Variants in SDK1 observed in about 807,000 individuals in gnomAD.
SDK1 encodes sidekick cell adhesion molecule 1, also known as protein sidekick-1.
SDK1 carries 157 observed loss-of-function variants against 245.5 expected under a neutral mutation model. The ratio of observed to expected loss-of-function variants is 0.64; its 90% CI spans 0.56 to 0.73. The LOEUF (loss-of-function observed/expected upper bound fraction) is 0.73. Among genes scored for constraint, SDK1 ranks in the 30% least tolerant of loss-of-function variants. The probability of loss-of-function intolerance (pLI) is 0.00; values close to 1 mark genes in which losing one functional copy is unlikely to be tolerated. For synonymous variants in SDK1, 1,647 were observed against 1,278.5 expected, an observed-to-expected ratio of 1.29 and a Z score of -6.15; for missense variants, 3,583 against 3,002.3, an observed-to-expected ratio of 1.19 and a Z score of -4.52.
intron 4 of SDK1, among the ~76,000 whole-genome samples, chr7:3,783,437 A>G (rs367776212): frequency 6.6e-6 from 1 of 151,970 alleles, no homozygotes; most frequent in Non-Finnish European, 1.5e-5. Context: ...TGCTGATAAC[A>G]TGATCTTATA....
intron 1 of SDK1, among the ~76,000 whole-genome samples, chr7:3,509,550 C>G (rs946048850): frequency 6.6e-6 from 1 of 152,160 alleles, no homozygotes; most frequent in Non-Finnish European, 1.5e-5. Context: ...TGTGTTACCT[C>G]CATTTTACAG....
intron 1 of SDK1, among the ~76,000 whole-genome samples, chr7:3,582,243 C>G (rs1224771488): frequency 4.2e-4 from 60 of 144,352 alleles, no homozygotes; most frequent in Middle Eastern, 3.8e-3. Context: ...AGGTAGGTCT[C>G]CCTCAGGTAG....
At chr7:3,511,399 G>T (rs1016988617) in intron 1 of SDK1, among the ~76,000 whole-genome samples, 1 of 152,090 alleles carries the variant, frequency 6.6e-6, no homozygotes, top group African/African-American at 2.4e-5. Flanking sequence ...CTGAATTCTT[G>T]GAAGTTTAAA....
At chr7:3,531,657 G>C (rs12111969) in intron 1 of SDK1, among the ~76,000 whole-genome samples, 1 of 152,104 alleles carries the variant, frequency 6.6e-6, no homozygotes, top group African/African-American at 2.4e-5. Context: ...TCCCACATTA[G>C]TGTAGGTTAT....
chr7:4,130,025 G>C lies in SDK1; in HGVS notation c.4057G>C (p.Val1353Leu), dbSNP rs752108355. 6.2e-7 allele frequency: 1 copy of C among 1,613,482 alleles called. No homozygotes were observed. The highest frequency in any genetic ancestry group is 1.1e-5 in the South Asian group (1 of 91,054). Residue 1353 changes from valine (V) to leucine (L), a missense_variant, in exon 27 of 45, where the codon GTG becomes CTG. Val to Leu is a conservative substitution (Grantham distance 32). Coordinates refer to ENST00000404826, the MANE Select transcript of SDK1 (RefSeq NM_152744.4). ...CAAGTTCGTGCTCTACGAGCTCCAG[G>C]TGCTGGCGTTCACCCGCATCGGGAA... ...LRKFVLYELQ[V>L]LAFTRIGNGV... is the part of the protein sequence containing the mutation.
intron 35 of SDK1, among the ~76,000 whole-genome samples, chr7:4,187,096 GT>G (rs1782940125): frequency 6.6e-6 from 1 of 152,150 alleles, no homozygotes; most frequent in South Asian, 2.1e-4. Flanking sequence ...TGTTGGGTGT[GT>G]TATGTCTGTG....
chr7:4,250,490 C>T (rs1264392023), intron 44 of SDK1, among the ~76,000 whole-genome samples: 1 of 152,054 alleles, frequency 6.6e-6, no homozygotes, highest in Non-Finnish European at 1.5e-5. Context: ...ATTACAGGCA[C>T]CTGACACTAT....
At chr7:3,990,093 G>T (rs1381809418) in intron 14 of SDK1, among the ~76,000 whole-genome samples, 1 of 152,254 alleles carries the variant, frequency 6.6e-6, no homozygotes, top group East Asian at 1.9e-4. Flanking sequence ...GCGTTGGTCT[G>T]TGTGGACGTG....
rs116483016 is a variant in SDK1, at chr7:3,929,146, T to A, written c.848-21777T>A. ...TATGGGTGGGAAACCAATGCATTTG[T>A]CCTTGCCCTTGGTTAAACGGTTATC... On this transcript the variant is annotated intron_variant, in intron 5 of 44. Coordinates refer to ENST00000404826, the MANE Select transcript of SDK1 (RefSeq NM_152744.4). Among the ~76,000 whole-genome samples, 514 of 152,386 alleles carry A rather than the reference T, an allele frequency of 3.4e-3. 1 individual carries two copies. Among genetic ancestry groups the A allele is most frequent in the African/African-American group, 0.012 (493 of 41,594 alleles).
chr7:3,823,806 G>C (rs1779703930), intron 5 of SDK1, among the ~76,000 whole-genome samples: 1 of 152,028 alleles, frequency 6.6e-6, no homozygotes, highest in Non-Finnish European at 1.5e-5. Flanking sequence ...TGAATTCTTT[G>C]CTTTTTATGA....
chr7:3,692,083 A>G (rs1784451819), intron 4 of SDK1, among the ~76,000 whole-genome samples: 1 of 152,090 alleles, frequency 6.6e-6, no homozygotes, highest in Non-Finnish European at 1.5e-5. Flanking sequence ...TCCTACTCTC[A>G]TTTAGCTTAT....
At chr7:3,339,946 G>A (rs77095896) in intron 1 of SDK1, among the ~76,000 whole-genome samples, 3,348 of 152,032 alleles carry the variant, frequency 0.022, 139 homozygotes, top group African/African-American at 0.076. Flanking sequence ...ATGAAATTTA[G>A]CAAGACTGAC....
chr7:4,241,798 G>A lies in SDK1; in HGVS notation c.6136G>A (p.Gly2046Arg), dbSNP rs751021247. Residue 2046 changes from glycine (G) to arginine (R), a missense_variant, in exon 43 of 45, where the codon GGG (glycine) becomes AGG (arginine). By Grantham distance (125) the Gly-to-Arg change is moderately radical. Coordinates refer to ENST00000404826, the MANE Select transcript of SDK1 (RefSeq NM_152744.4). ...KKYKNCSTGK[G>R]ISTMEESVTL... ...ACTCTCCTGCTGGGCTTTAGGAAAG[G>A]GGATCTCCACCATGGAGGAGTCTGT... is the stretch of plus-strand genomic sequence containing the variant. 2.5e-6 allele frequency: 4 copies of A among 1,614,138 alleles called. No individual in the cohort carries two copies. Among genetic ancestry groups the A allele is most frequent in the East Asian group, 2.2e-5 (1 of 44,866 alleles).
At chr7:3,862,260 G>A (rs1408287241) in intron 5 of SDK1, among the ~76,000 whole-genome samples, 1 of 152,198 alleles carries the variant, frequency 6.6e-6, no homozygotes, top group Non-Finnish European at 1.5e-5. Flanking sequence ...ACATCAGAAT[G>A]TCTGGGGGAG....
chr7:3,961,036 T>C (rs1334489524), intron 8 of SDK1, among the ~76,000 whole-genome samples: 1 of 152,256 alleles, frequency 6.6e-6, no homozygotes, highest in African/African-American at 2.4e-5. Context: ...TAAACTCCCT[T>C]TGACAAGAGA....
chr7:4,267,955 C>T lies in SDK1; in HGVS notation c.*2571C>T, dbSNP rs191627569. ...TAGATTTTGGCCTCCCAGAGCAATG[C>T]GGCATTTGAGAAGCAACAGTTCCTA... On this transcript the variant is annotated 3_prime_UTR_variant, in exon 45 of 45. Coordinates refer to ENST00000404826, the MANE Select transcript of SDK1 (RefSeq NM_152744.4). 159 of 985,268 alleles carry T rather than the reference C, an allele frequency of 1.6e-4. No individual in the cohort carries two copies. The highest frequency in any genetic ancestry group is 5.2e-4 in the Middle Eastern group (1 of 1,936). The allele number at this position is 985,268 out of a possible 1,614,324, so 61.0% of individuals were successfully genotyped here.
chr7:3,875,933 G>C (rs567505119), intron 5 of SDK1, among the ~76,000 whole-genome samples: 3 of 152,124 alleles, frequency 2.0e-5, no homozygotes, highest in African/African-American at 7.2e-5. Context: ...CAGCTTCTTT[G>C]TTCTCTCACT....
rs147895198 is a variant in SDK1, at chr7:3,857,485, C to G, written c.847+35902C>G. 2.9e-3 allele frequency among the ~76,000 whole-genome samples: 439 copies of G among 152,066 alleles called. 1 individual carries two copies. The highest frequency in any genetic ancestry group is 9.7e-3 in the African/African-American group (403 of 41,480). ...ATTGTTTGTGCCCAGGAGTTCAAGA[C>G]CAGCCTTGGCAACATGGTGAGACCC... is the stretch of plus-strand genomic sequence containing the variant. On this transcript the variant is annotated intron_variant, in intron 5 of 44. Coordinates refer to ENST00000404826, the MANE Select transcript of SDK1 (RefSeq NM_152744.4).
chr7:4,016,561 A>C (rs977253653), intron 16 of SDK1, among the ~76,000 whole-genome samples: 1 of 152,224 alleles, frequency 6.6e-6, no homozygotes. Flanking sequence ...ACACTACTTT[A>C]AATTTCCACC....
Sources: gnomAD v4.1 joint callset for allele counts (sites outside exome capture counted in the v4.1 genomes callset) on GRCh38, gnomAD v4.1.1 for gene constraint, MANE v1.5 for transcripts, NCBI Gene and HGNC (gene_info 2026-07-23, HGNC 2026-07-21) for gene names.